Variants in MTHFD1L observed in about 807,000 individuals in gnomAD.
The protein encoded by MTHFD1L is monofunctional C1-tetrahydrofolate synthase, mitochondrial.
A neutral mutation model predicts 119.5 loss-of-function variants in MTHFD1L; 81 were observed. The ratio of observed to expected loss-of-function variants is 0.68; its 90% CI spans 0.57 to 0.82. The LOEUF is 0.82. Among genes scored for constraint, MTHFD1L ranks in the 40% least tolerant of loss-of-function variants. MTHFD1L has a pLI of 0.00. For missense variants in MTHFD1L, 1,125 were observed against 1,253.4 expected (o/e 0.90, Z 1.55); for synonymous variants, 430 against 475.2 (o/e 0.90, Z 1.24).
chr6:151,057,801 C>T (rs985704525), intron 26 of MTHFD1L, among the ~76,000 whole-genome samples: 4 of 152,110 alleles, frequency 2.6e-5, no homozygotes, highest in East Asian at 1.9e-4. Context: ...TTGTTTGAGA[C>T]GGAGTCTGGC....
intron 6 of MTHFD1L, among the ~76,000 whole-genome samples, chr6:150,886,955 C>T (rs376637405): frequency 1.5e-4 from 22 of 148,854 alleles, no homozygotes; most frequent in East Asian, 3.9e-4. Context: ...GTGATCACAC[C>T]GCAGCATTCC....
intron 1 of MTHFD1L, among the ~76,000 whole-genome samples, chr6:150,870,627 A>G (rs1178952916): frequency 2.0e-5 from 3 of 152,104 alleles, no homozygotes; most frequent in African/African-American, 7.2e-5. Context: ...AAACCCATAT[A>G]TAAGGCCGGG....
intron 9 of MTHFD1L, 52 bp from the exon 10 acceptor site, chr6:150,922,153 C>G: frequency 1.5e-6 from 2 of 1,305,402 alleles, no homozygotes; most frequent in Admixed American, 1.7e-5. Context: ...TAAGTGTGTG[C>G]CCTGTCAGCT....
intron 8 of MTHFD1L, among the ~76,000 whole-genome samples, chr6:150,907,955 G>A (rs1215907020): frequency 6.7e-6 from 1 of 149,182 alleles, no homozygotes; most frequent in Non-Finnish European, 1.5e-5. Flanking sequence ...TTAGTGCAGT[G>A]GGTGTGATCT....
intron 8 of MTHFD1L, among the ~76,000 whole-genome samples, 154 bp from the exon 9 acceptor site, chr6:150,918,423 G>C (rs1788363133): frequency 6.6e-6 from 1 of 152,206 alleles, no homozygotes; most frequent in South Asian, 2.1e-4. Context: ...CCAAGCCTGT[G>C]CCAGAGGTGA....
chr6:151,096,869 A>G (rs1794935100), intron 27 of MTHFD1L, among the ~76,000 whole-genome samples: 1 of 152,206 alleles, frequency 6.6e-6, no homozygotes, highest in Admixed American at 6.5e-5. Flanking sequence ...TTATATGCCA[A>G]AAAACATCAG....
chr6:150,946,505 A>T (rs962003950), intron 15 of MTHFD1L, among the ~76,000 whole-genome samples: 6 of 152,182 alleles, frequency 3.9e-5, no homozygotes, highest in Non-Finnish European at 7.4e-5. Context: ...ATGCCATCTT[A>T]ATTCTTAAAA....
chr6:150,955,341 T>C (rs1795464347), intron 16 of MTHFD1L, among the ~76,000 whole-genome samples: 1 of 152,198 alleles, frequency 6.6e-6, no homozygotes, highest in South Asian at 2.1e-4. Flanking sequence ...TTCCATTGCC[T>C]GTCTGTGCCA....
chr6:151,038,604 G>A (rs533861891), intron 26 of MTHFD1L, among the ~76,000 whole-genome samples: 28 of 152,272 alleles, frequency 1.8e-4, no homozygotes, highest in African/African-American at 6.7e-4. Flanking sequence ...AGGAGGAGAA[G>A]AATGTGGTCT....
chr6:151,074,558 T>A (rs6908697), intron 26 of MTHFD1L, among the ~76,000 whole-genome samples: 4,393 of 152,326 alleles, frequency 0.029, 196 homozygotes, highest in African/African-American at 0.099. Context: ...TATAATTATA[T>A]GTGAAGGTAG....
At chr6:150,915,901 G>C (rs1188506924) in intron 8 of MTHFD1L, among the ~76,000 whole-genome samples, 1 of 152,186 alleles carries the variant, frequency 6.6e-6, no homozygotes, top group Admixed American at 6.5e-5. Flanking sequence ...ACCGCACCCG[G>C]ATGCTTTTTC....
intron 26 of MTHFD1L, among the ~76,000 whole-genome samples, chr6:151,046,274 G>T (rs982538557): frequency 6.6e-6 from 1 of 151,448 alleles, no homozygotes; most frequent in African/African-American, 2.4e-5. Flanking sequence ...TTTACTCTTT[G>T]CATACATAGA....
At chr6:151,031,971 A>G (rs1013808212) in intron 24 of MTHFD1L, among the ~76,000 whole-genome samples, 4 of 152,302 alleles carry the variant, frequency 2.6e-5, no homozygotes, top group Non-Finnish European at 4.4e-5. Flanking sequence ...TATCCTGCAC[A>G]TGCTGAGTGT....
intron 7 of MTHFD1L, among the ~76,000 whole-genome samples, chr6:150,897,239 T>C (rs1351044232): frequency 6.6e-6 from 1 of 152,154 alleles, no homozygotes; most frequent in Non-Finnish European, 1.5e-5. Flanking sequence ...ATCAAATATG[T>C]GAGTAAAAAC....
At chr6:151,044,972 T>C (rs1787747977) in intron 26 of MTHFD1L, among the ~76,000 whole-genome samples, 1 of 152,056 alleles carries the variant, frequency 6.6e-6, no homozygotes, top group African/African-American at 2.4e-5. Flanking sequence ...TTGTTTTCCG[T>C]CCCCCTCCCT....
intron 26 of MTHFD1L, among the ~76,000 whole-genome samples, chr6:151,078,420 A>T (rs550856220): frequency 8.2e-4 from 125 of 152,342 alleles, no homozygotes; most frequent in Non-Finnish European, 1.4e-3. Flanking sequence ...GCTGCATAAC[A>T]AATGAGCACA....
intron 7 of MTHFD1L, among the ~76,000 whole-genome samples, chr6:150,900,842 T>C (rs985427381): frequency 2.0e-5 from 3 of 151,786 alleles, no homozygotes; most frequent in Non-Finnish European, 4.4e-5. Context: ...GGTGAAACCC[T>C]GTCTCTACTG....
intron 26 of MTHFD1L, among the ~76,000 whole-genome samples, chr6:151,079,513 G>A (rs9478944): frequency 0.69 from 104,962 of 151,748 alleles, 38,331 homozygotes; most frequent in East Asian, 0.91. Flanking sequence ...GCTGGAGTGC[G>A]ATGGCATGAT....
intron 26 of MTHFD1L, chr6:151,088,473 T>C (rs191370479): frequency 6.6e-6 from 1 of 152,296 alleles, no homozygotes; most frequent in African/African-American, 2.4e-5. Flanking sequence ...TGTTTCTTTT[T>C]TGAGACAGAT....
Sources: allele counts gnomAD v4.1 joint callset (sites outside exome capture counted in the v4.1 genomes callset), GRCh38; gene constraint gnomAD v4.1.1; transcripts MANE v1.5; gene names NCBI Gene and HGNC (gene_info 2026-07-23, HGNC 2026-07-21).